QKI: variants seen among roughly 807,000 people sequenced by gnomAD.
The protein encoded by QKI is QKI, KH domain containing RNA binding.
Under a neutral mutation model 39.0 loss-of-function variants are expected in QKI, and 10 were observed. The observed-to-expected ratio is 0.26, with a 90% confidence interval of 0.16 to 0.43. The LOEUF (loss-of-function observed/expected upper bound fraction) is 0.43, where lower values mean the gene tolerates loss of function less well. QKI is among the 20% of genes least tolerant of loss of function. The pLI is 1.00. For synonymous variants in QKI, 204 were observed against 155.4 expected (o/e 1.31, Z -2.33); for missense variants, 218 against 428.0 (o/e 0.51, Z 4.33).
intron 3 of QKI, among the ~76,000 whole-genome samples, chr6:163,491,741 T>C (rs772005802): frequency 6.6e-6 from 1 of 152,182 alleles, no homozygotes; most frequent in Admixed American, 6.6e-5. Context: ...AATAAAAAAT[T>C]TATTTGAAAA....
Position 163,447,875 on chromosome 6 carries a change from T to G in QKI, c.143-7404T>G, listed in dbSNP as rs1178296150. 5.9e-5 allele frequency among the ~76,000 whole-genome samples: 9 copies of G among 152,312 alleles called. No homozygotes were observed. The South Asian group carries it at 1.9e-3, about 32-fold the overall frequency. On this transcript the variant is annotated intron_variant, in intron 1 of 7. Coordinates refer to ENST00000361752, the MANE Select transcript of QKI (RefSeq NM_006775.3). ...GCTTTCTACTCTCCTAATAGGTGAT[T>G]ATTGTAAGAAAAATTTATATAATAA...
intron 1 of QKI, among the ~76,000 whole-genome samples, chr6:163,426,182 A>G (rs896518344): frequency 9.9e-5 from 15 of 151,842 alleles, no homozygotes; most frequent in African/African-American, 3.6e-4. Context: ...TCAAACCAGA[A>G]TCTTACTCAA....
intron 3 of QKI, among the ~76,000 whole-genome samples, chr6:163,483,104 A>T (rs530650500): frequency 2.0e-5 from 3 of 152,366 alleles, no homozygotes; most frequent in Admixed American, 6.5e-5. Flanking sequence ...TTCCTAGTGC[A>T]TATAAAAGTT....
chr6:163,445,827 G>T (rs1183003049), intron 1 of QKI, among the ~76,000 whole-genome samples: 1 of 152,136 alleles, frequency 6.6e-6, no homozygotes, highest in Non-Finnish European at 1.5e-5. Context: ...TGTTAGCCAG[G>T]ATGGTCTCGA....
chr6:163,441,121 T>C (rs1448606832), intron 1 of QKI, among the ~76,000 whole-genome samples: 2 of 152,108 alleles, frequency 1.3e-5, no homozygotes, highest in Admixed American at 1.3e-4. Flanking sequence ...CCTTATTGGC[T>C]CGGTTTTTTT....
At position 163,574,078 on chromosome 6, in the gene QKI, C is replaced by T. The variant is rs940313170; in HGVS notation, c.*3368C>T. The T allele has an allele frequency of 2.0e-5, 3 of 152,158 alleles. No homozygotes were observed. Among genetic ancestry groups the T allele is most frequent in the African/African-American group, 7.2e-5 (3 of 41,428 alleles). 9.4% of individuals were successfully genotyped at this position (152,158 alleles called of 1,614,324 possible). Reference sequence around the variant, plus strand: ...CAAAGTAGCCTTTGTTTGAGGCATTCTTCTCTTGCCACTTGCCTTTCAGCA... The same window carrying T: ...CAAAGTAGCCTTTGTTTGAGGCATTTTTCTCTTGCCACTTGCCTTTCAGCA... On this transcript the variant is annotated 3_prime_UTR_variant, in exon 8 of 8. Coordinates refer to ENST00000361752, the MANE Select transcript of QKI (RefSeq NM_006775.3).
chr6:163,544,943 G>A (rs370710500), intron 4 of QKI, among the ~76,000 whole-genome samples: 96 of 152,156 alleles, frequency 6.3e-4, no homozygotes, highest in Middle Eastern at 3.4e-3. Flanking sequence ...AGTATAATCT[G>A]ATTAAAATCC....
intron 3 of QKI, among the ~76,000 whole-genome samples, chr6:163,492,303 TATTAA>T (rs1267617943): frequency 6.6e-6 from 1 of 152,182 alleles, no homozygotes; most frequent in East Asian, 1.9e-4. Flanking sequence ...GAGAGACCAC[TATTAA>T]ATTATTTTGT....
At position 163,557,343 on chromosome 6, in the gene QKI, T is replaced by C. The variant is rs111349390; in HGVS notation, c.547-4639T>C. Reference sequence around the variant, plus strand: ...GTCCTGTGTCTTCAATGGAGTACTATTTAGCCATAAAAAAGAATAAGATCC... The same window carrying C: ...GTCCTGTGTCTTCAATGGAGTACTACTTAGCCATAAAAAAGAATAAGATCC... On this transcript the variant is annotated intron_variant, in intron 4 of 7. Coordinates refer to ENST00000361752, the MANE Select transcript of QKI (RefSeq NM_006775.3). 6.0e-3 allele frequency among the ~76,000 whole-genome samples: 907 copies of C among 152,330 alleles called. 9 individuals are homozygous for C. The highest frequency in any genetic ancestry group is 0.021 in the African/African-American group (853 of 41,574).
intron 3 of QKI, among the ~76,000 whole-genome samples, chr6:163,501,628 G>A (rs972958932): frequency 1.3e-5 from 2 of 152,216 alleles, no homozygotes; most frequent in African/African-American, 4.8e-5. Flanking sequence ...GTGTAATAAA[G>A]AAATGAATGT....
intron 3 of QKI, among the ~76,000 whole-genome samples, chr6:163,534,469 G>A (rs937551707): frequency 3.3e-5 from 5 of 152,140 alleles, no homozygotes; most frequent in African/African-American, 1.2e-4. Context: ...GTAATGAAGT[G>A]GAAAGATCAC....
At chr6:163,418,151 A>G (rs1251716708) in intron 1 of QKI, among the ~76,000 whole-genome samples, 1 of 152,008 alleles carries the variant, frequency 6.6e-6, no homozygotes, top group Non-Finnish European at 1.5e-5. Context: ...TTTAGATAAA[A>G]TTTAGTAAAA....
At chr6:163,532,109 A>C in intron 3 of QKI, among the ~76,000 whole-genome samples, 1 of 152,222 alleles carries the variant, frequency 6.6e-6, no homozygotes, top group South Asian at 2.1e-4. Flanking sequence ...CTTTGTTTCT[A>C]TCATGAAAAT....
rs1792828248 is a variant in QKI at position 163,478,763 on chromosome 6, T to C, written c.286-17T>C. ...GCAAGTGAATAATGTATAGTGATCC[T>C]TTTTTTTTTTTCTCAGTTTAATTTT... On this transcript the variant is annotated splice_polypyrimidine_tract_variant and intron_variant, in intron 2 of 7. Coordinates refer to ENST00000361752, the MANE Select transcript of QKI (RefSeq NM_006775.3). The C allele has an allele frequency of 3.1e-6, 2 of 646,558 alleles. No homozygotes were observed. The highest frequency in any genetic ancestry group is 4.4e-6 in the Non-Finnish European group (2 of 456,748). The allele number at this position is 646,558 out of a possible 1,614,324, so 40.1% of individuals were successfully genotyped here.
At chr6:163,480,618 CTG>C (rs1793005926) in intron 3 of QKI, among the ~76,000 whole-genome samples, 1 of 152,078 alleles carries the variant, frequency 6.6e-6, no homozygotes, top group South Asian at 2.1e-4. Context: ...TCATGGGAGT[CTG>C]TGAGTTCTCC....
intron 1 of QKI, among the ~76,000 whole-genome samples, chr6:163,452,139 G>A (rs1790611108): frequency 6.6e-6 from 1 of 152,216 alleles, no homozygotes; most frequent in Admixed American, 6.5e-5. Context: ...TAAAATCACA[G>A]TTACTGTTAG....
chr6:163,567,511 C>T (rs891262046), intron 7 of QKI: 3 of 983,868 alleles, frequency 3.0e-6, no homozygotes, highest in African/African-American at 3.5e-5. Flanking sequence ...GGTATGAGAT[C>T]CAGCTGTGTG....
rs370283905 is a variant in QKI at position 163,466,143 on chromosome 6, G to A, written c.285+10722G>A. On this transcript the variant is annotated intron_variant, in intron 2 of 7. Transcript: ENST00000361752. ...ACTCCATCTCAAAAAAAAAAAAAAG[G>A]GCTATCTCATTTACAATAGCATCGG... Among the ~76,000 whole-genome samples, 40 of 150,108 alleles carry A rather than the reference G, an allele frequency of 2.7e-4. 1 individual carries two copies. The South Asian group carries it at 5.0e-3, about 19-fold the overall frequency.
intron 1 of QKI, among the ~76,000 whole-genome samples, chr6:163,439,315 G>T (rs1789554714): frequency 6.9e-6 from 1 of 145,066 alleles, no homozygotes; most frequent in South Asian, 2.2e-4. Flanking sequence ...TTTCGCTCTA[G>T]AATAATCCTT....
Sources: gnomAD v4.1 joint callset for allele counts (sites outside exome capture counted in the v4.1 genomes callset) on GRCh38, gnomAD v4.1.1 for gene constraint, MANE v1.5 for transcripts, NCBI Gene and HGNC (gene_info 2026-07-23, HGNC 2026-07-21) for gene names.